The following MGAT5B variants were observed in gnomAD, a reference collection of about 807,000 sequenced individuals.
MGAT5B encodes alpha-1,6-mannosylglycoprotein 6-beta-N-acetylglucosaminyltransferase B, also known as N-acetylglucosaminyl-transferase Vb.
A neutral mutation model predicts 95.1 loss-of-function variants in MGAT5B; 54 were observed. The observed-to-expected ratio is 0.57, with a 90% CI of 0.46 to 0.71. MGAT5B has a LOEUF of 0.71. Among genes scored for constraint, MGAT5B ranks in the 30% least tolerant of loss-of-function variants. The pLI is 0.00. For missense variants in MGAT5B, 935 were observed against 1,088.6 expected (o/e 0.86, Z 1.99); for synonymous variants, 464 against 451.0 (o/e 1.03, Z -0.36).
intron 3 of MGAT5B, among the ~76,000 whole-genome samples, chr17:76,895,080 C>T (rs182638298): frequency 5.3e-5 from 8 of 152,132 alleles, no homozygotes; most frequent in Non-Finnish European, 1.0e-4. Context: ...TGCTCCTCAT[C>T]GCTCGCGTTA....
rs746925726 is a variant in MGAT5B, at chr17:76,902,619, G to A, written c.394G>A (p.Ala132Thr). 30 of 1,603,852 alleles carry A rather than the reference G, an allele frequency of 1.9e-5. No homozygotes were observed. Among genetic ancestry groups the A allele is most frequent in the Non-Finnish European group, 2.5e-5 (29 of 1,175,062 alleles). Residue 132 changes from alanine (A) to threonine (T), a missense_variant, in exon 4 of 18, where the codon GCT becomes ACT. Ala to Thr is a moderately conservative substitution (Grantham distance 58). Transcript: ENST00000569840. ...TATTGCCCAGAACGTCTCCGACATC[G>A]CTGTGAAGGTGGACCAGATCCTGCG... ...QAIAQNVSDIAVKVDQILRHS... is the reference protein window; with the variant it reads ...QAIAQNVSDITVKVDQILRHS...
intron 2 of MGAT5B, among the ~76,000 whole-genome samples, chr17:76,876,431 A>T (rs1967193360): frequency 6.6e-6 from 1 of 151,474 alleles, no homozygotes; most frequent in Non-Finnish European, 1.5e-5. Context: ...AATCAGGAGA[A>T]GGAAACCCTC....
chr17:76,931,251 C>G (rs1044090800), intron 10 of MGAT5B, among the ~76,000 whole-genome samples: 12 of 152,120 alleles, frequency 7.9e-5, no homozygotes, highest in Admixed American at 3.3e-4. Context: ...TGTGCGCCAC[C>G]ACACCCGGTT....
Position 76,948,738 on chromosome 17 carries a change from T to C in MGAT5B, c.2279T>C (p.Leu760Pro). 1 of 1,612,758 alleles carries C rather than the reference T, an allele frequency of 6.2e-7. No individual in the cohort carries two copies. Among genetic ancestry groups the C allele is most frequent in the Non-Finnish European group, 8.5e-7 (1 of 1,179,664 alleles). The part of the protein sequence containing the change: ...GQECYLQKEP[L>P]LFSCAGSNTK... Reference sequence around the variant, plus strand: ...GAGTGCTACCTGCAGAAGGAGCCTCTGCTCTTCAGCTGCGCCGGCTCCAAC... The same window carrying C: ...GAGTGCTACCTGCAGAAGGAGCCTCCGCTCTTCAGCTGCGCCGGCTCCAAC... The change falls in exon 18 of 18, where the codon CTG (leucine) becomes CCG (proline). Residue 760 changes from leucine to proline, a missense_variant. Leu to Pro is a moderately conservative substitution (Grantham distance 98). Coordinates refer to ENST00000569840, the MANE Select transcript of MGAT5B (RefSeq NM_001199172.2).
chr17:76,943,464 C>T (rs564007100), intron 15 of MGAT5B, among the ~76,000 whole-genome samples: 1 of 152,292 alleles, frequency 6.6e-6, no homozygotes, highest in African/African-American at 2.4e-5. Context: ...GCCTTAAATG[C>T]AGATCCTCGA....
At position 76,906,253 on chromosome 17, in the gene MGAT5B, C is replaced by A. The variant is rs1452069783; in HGVS notation, c.1025+66C>A. 5 of 1,479,352 alleles carry A rather than the reference C, an allele frequency of 3.4e-6. No individual in the cohort carries two copies. Among genetic ancestry groups the A allele is most frequent in the Non-Finnish European group, 4.5e-6 (5 of 1,110,986 alleles). The allele number at this position is 1,479,352 out of a possible 1,614,324, so 91.6% of individuals were successfully genotyped here. On this transcript the variant is annotated intron_variant, in intron 8 of 17. Transcript: ENST00000569840. This position sits in a 1 kb window ranked among gnomAD's most constrained non-coding sequence, Gnocchi z 4.6. ...GAGGGGATGAAGGGGAACCCCACCC[C>A]TCCCTCCCAGGGGCTGTGGGAGCAC...
intron 3 of MGAT5B, among the ~76,000 whole-genome samples, chr17:76,884,536 C>G (rs1181656276): frequency 6.6e-6 from 1 of 151,796 alleles, no homozygotes; most frequent in Non-Finnish European, 1.5e-5. Context: ...TGGGTTCGAG[C>G]AATTCTTCTG....
chr17:76,930,951 T>C lies in MGAT5B; in HGVS notation c.1292-1694T>C, dbSNP rs1165474597. 6.6e-6 allele frequency among the ~76,000 whole-genome samples: 1 copy of C among 152,078 alleles called. No individual in the cohort carries two copies. The highest frequency in any genetic ancestry group is 2.4e-5 in the African/African-American group (1 of 41,398). ...AGGGGACAGCAGCAGGGGCAACGCT[T>C]GGAGGTGGGAATGGGAGGCTTTTCC... On this transcript the variant is annotated intron_variant, in intron 10 of 17. Coordinates refer to ENST00000569840, the MANE Select transcript of MGAT5B (RefSeq NM_001199172.2). The surrounding 1 kb of genome is among the most constrained non-coding windows in gnomAD (Gnocchi z 4.1).
At chr17:76,923,689 C>T (rs567096272) in intron 8 of MGAT5B, among the ~76,000 whole-genome samples, 20 of 152,356 alleles carry the variant, frequency 1.3e-4, no homozygotes, top group South Asian at 4.1e-4. Flanking sequence ...ACACCTCACA[C>T]GGCTTGTGCT....
rs139974218 is a variant in MGAT5B, at chr17:76,917,125, C to T, written c.1026-7841C>T. Among the ~76,000 whole-genome samples the T allele has an allele frequency of 4.5e-3, 692 of 152,266 alleles. 4 individuals carry two copies. Among genetic ancestry groups the T allele is most frequent in the African/African-American group, 0.013 (555 of 41,552 alleles). On this transcript the variant is annotated intron_variant, in intron 8 of 17. Transcript: ENST00000569840. This position sits in a 1 kb window ranked among gnomAD's most constrained non-coding sequence, Gnocchi z 6.1. ...GTGGCCAATTAAATGCTCTCAAGTC[C>T]GGGTTTAGTGTGAGGATTTTGCACA... is the stretch of plus-strand genomic sequence containing the variant.
chr17:76,935,792 A>ATATATATAT (rs1408431590), intron 12 of MGAT5B, among the ~76,000 whole-genome samples: 1 of 143,140 alleles, frequency 7.0e-6, no homozygotes, highest in South Asian at 2.1e-4. Context: ...CTTTTTAAAC[A>ATATATATAT]TATATATATT....
intron 12 of MGAT5B, among the ~76,000 whole-genome samples, chr17:76,937,506 AATGG>A (rs764379783): frequency 6.6e-6 from 1 of 151,452 alleles, no homozygotes; most frequent in Non-Finnish European, 1.5e-5. Context: ...CAGGTGGACA[AATGG>A]ATGGATGGAT....
Position 76,940,883 on chromosome 17 carries a change from T to C in MGAT5B, c.1848+35T>C. ...GCCACATACAGTTGAGACCCCCCAC[T>C]AGTCCACACTGCTGGTCTTCACTCT... On this transcript the variant is annotated intron_variant, in intron 15 of 17. Coordinates refer to ENST00000569840, the MANE Select transcript of MGAT5B (RefSeq NM_001199172.2). This position sits in a 1 kb window ranked among gnomAD's most constrained non-coding sequence, Gnocchi z 4.3. 3 of 1,499,706 alleles carry C rather than the reference T, an allele frequency of 2.0e-6. No individual in the cohort carries two copies. Among genetic ancestry groups the C allele is most frequent in the African/African-American group, 1.4e-5 (1 of 72,836 alleles). 92.9% of individuals were successfully genotyped at this position (1,499,706 alleles called of 1,614,324 possible).
intron 2 of MGAT5B, among the ~76,000 whole-genome samples, chr17:76,877,935 G>A (rs1450014683): frequency 6.6e-6 from 1 of 151,804 alleles, no homozygotes; most frequent in Non-Finnish European, 1.5e-5. Context: ...TAAATGAGAG[G>A]ATCTATTTGT....
Position 76,938,279 on chromosome 17 carries a change from A to C in MGAT5B, c.1584+136A>C. On this transcript the variant is annotated intron_variant, in intron 13 of 17. Coordinates refer to ENST00000569840, the MANE Select transcript of MGAT5B (RefSeq NM_001199172.2). The surrounding 1 kb of genome is among the most constrained non-coding windows in gnomAD (Gnocchi z 4.3). ...AGCATGCTCTGCTGCCCTGAGCCCC[A>C]CATCTGGCCAGAGCCCAGGGGCAGA... is the stretch of plus-strand genomic sequence containing the variant. 8.3e-7 allele frequency: 1 copy of C among 1,205,806 alleles called. No individual in the cohort carries two copies. Among genetic ancestry groups the C allele is most frequent in the Non-Finnish European group, 1.2e-6 (1 of 868,004 alleles). The allele number at this position is 1,205,806 out of a possible 1,614,324, so 74.7% of individuals were successfully genotyped here.
At chr17:76,932,093 C>A (rs1030049055) in intron 10 of MGAT5B, among the ~76,000 whole-genome samples, 7 of 137,728 alleles carry the variant, frequency 5.1e-5, no homozygotes, top group Non-Finnish European at 1.1e-4. Flanking sequence ...CCTCCCCCCC[C>A]CCTTCTTCGT....
intron 12 of MGAT5B, among the ~76,000 whole-genome samples, chr17:76,934,766 T>C (rs1400392373): frequency 4.6e-5 from 7 of 152,198 alleles, no homozygotes; most frequent in Non-Finnish European, 1.0e-4. Flanking sequence ...CCTGTTCAGC[T>C]AGAGACCTCA....
chr17:76,868,943 G>C lies in MGAT5B; in HGVS notation c.-87G>C. The C allele has an allele frequency of 1.5e-6, 2 of 1,359,598 alleles. No homozygotes were observed. Among genetic ancestry groups the C allele is most frequent in the African/African-American group, 1.5e-5 (1 of 68,186 alleles). 84.2% of individuals were successfully genotyped at this position (1,359,598 alleles called of 1,614,324 possible). A position where few individuals can be genotyped will look rare whatever the true frequency, so the allele number is the denominator to read the frequency against. On this transcript the variant is annotated 5_prime_UTR_variant, in exon 1 of 18. Transcript: ENST00000569840. This position sits in a 1 kb window ranked among gnomAD's most constrained non-coding sequence, Gnocchi z 6.3. ...TCGGACGCGGCTTCGGCCCGCAGAG[G>C]GTTCGTGGCCCGGACGCGGCGAGAG...
rs1374988805 is a variant in MGAT5B at position 76,888,377 on chromosome 17, C to G, written c.329+6079C>G. ...ACATGGCGACAGAGAGGATCCGTCT[C>G]CCCTGCTCCGGCGCTCATGTTTCCA... is the stretch of plus-strand genomic sequence containing the variant. On this transcript the variant is annotated intron_variant, in intron 3 of 17. Coordinates refer to ENST00000569840, the MANE Select transcript of MGAT5B (RefSeq NM_001199172.2). Among the ~76,000 whole-genome samples, 7 of 152,110 alleles carry G rather than the reference C, an allele frequency of 4.6e-5. No homozygotes were observed. The East Asian group carries it at 1.2e-3, about 25-fold the overall frequency.
Sources: gnomAD v4.1 joint callset for allele counts (sites outside exome capture counted in the v4.1 genomes callset) on GRCh38, gnomAD v4.1.1 for gene constraint, Gnocchi (gnomAD v3.1) non-coding constraint, MANE v1.5 for transcripts, NCBI Gene and HGNC (gene_info 2026-07-23, HGNC 2026-07-21) for gene names.